TNS1: variants seen among roughly 807,000 people sequenced by gnomAD.
The protein encoded by TNS1 is tensin-1.
Under a neutral mutation model 168.6 loss-of-function variants are expected in TNS1, and 62 were observed. That is an observed-to-expected ratio of 0.37 (90% CI 0.30 to 0.45). The LOEUF (loss-of-function observed/expected upper bound fraction) is 0.45. Ranked by LOEUF, TNS1 falls within the 20% of genes least tolerant of loss-of-function variation. TNS1 has a pLI of 1.00. For missense variants in TNS1, 2,240 were observed against 2,339.4 expected (o/e 0.96, Z 0.88); for synonymous variants, 934 against 933.2 (o/e 1.00, Z -0.02).
chr2:217,946,963 T>TCACACACA (rs1340630921), intron 3 of TNS1, among the ~76,000 whole-genome samples: 13 of 132,450 alleles, frequency 9.8e-5, no homozygotes, highest in African/African-American at 4.8e-4. Flanking sequence ...TCTCTCTCTC[T>TCACACACA]CTCTCTCACA....
chr2:217,841,541 G>T (rs1372595309), intron 19 of TNS1, among the ~76,000 whole-genome samples: 1 of 152,164 alleles, frequency 6.6e-6, no homozygotes, highest in Non-Finnish European at 1.5e-5. Flanking sequence ...GACAGGAAGA[G>T]AGGGGGATCC....
chr2:217,831,698 C>G (rs1385233125), intron 21 of TNS1, 151 bp from the exon 22 acceptor site: 1 of 514,208 alleles, frequency 1.9e-6, no homozygotes, highest in African/African-American at 2.0e-5. Context: ...GGCTCCACTG[C>G]CCTTTCCCGC....
chr2:218,032,374 G>A lies in TNS1; in HGVS notation c.156+1446C>T, dbSNP rs1318145076. Among the ~76,000 whole-genome samples, 1 of 152,192 alleles carries A rather than the reference G, an allele frequency of 6.6e-6. No individual in the cohort carries two copies. The highest frequency in any genetic ancestry group is 1.5e-5 in the Non-Finnish European group (1 of 68,024). On this transcript the variant is annotated intron_variant, in intron 1 of 1. Coordinates refer to the TNS1 transcript ENST00000649572. The surrounding 1 kb of genome is among the most constrained non-coding windows in gnomAD (Gnocchi z 4.0). ...TGGAGGAGGAGGCAGCATGACAGGG[G>A]AAGGGGGCGATGTGGCCTGGGTAGG...
Position 217,880,889 on chromosome 2 carries a change from C to T in TNS1, c.1429+9G>A, listed in dbSNP as rs755307130. 31 of 1,607,746 alleles carry T rather than the reference C, an allele frequency of 1.9e-5. No homozygotes were observed. Among genetic ancestry groups the T allele is most frequent in the Middle Eastern group, 1.7e-4 (1 of 6,056 alleles). Reference sequence around the variant, plus strand: ...GGATAGGGGCTGGGAGCCACTAGGTCCCACCTACCCTCCATGCCGTCATCT... The same window carrying T: ...GGATAGGGGCTGGGAGCCACTAGGTTCCACCTACCCTCCATGCCGTCATCT... On this transcript the variant is annotated intron_variant, in intron 18 of 32. Transcript: ENST00000682258. The surrounding 1 kb of genome is among the most constrained non-coding windows in gnomAD (Gnocchi z 4.2).
chr2:217,953,757 T>G (rs1198153822), intron 3 of TNS1, among the ~76,000 whole-genome samples: 1 of 152,144 alleles, frequency 6.6e-6, no homozygotes, highest in Admixed American at 6.5e-5. Context: ...TGGGATGTGC[T>G]GGCAGGCAGA....
intron 18 of TNS1, among the ~76,000 whole-genome samples, chr2:217,865,538 A>C (rs1204189923): frequency 6.6e-6 from 1 of 152,244 alleles, no homozygotes; most frequent in Non-Finnish European, 1.5e-5. Flanking sequence ...AGAAGAACAC[A>C]CATCAAAGAA....
chr2:217,844,710 A>G (rs576372906), intron 19 of TNS1, among the ~76,000 whole-genome samples: 1 of 152,296 alleles, frequency 6.6e-6, no homozygotes, highest in South Asian at 2.1e-4. Flanking sequence ...TTATTACAAA[A>G]GACTATTTTA....
intron 3 of TNS1, among the ~76,000 whole-genome samples, chr2:217,945,417 C>G (rs1055370530): frequency 2.8e-4 from 43 of 152,138 alleles, no homozygotes; most frequent in African/African-American, 8.2e-4. Context: ...TGCCTCGCCC[C>G]CAGTCAGAGA....
intron 3 of TNS1, among the ~76,000 whole-genome samples, chr2:217,963,659 A>G (rs1957552590): frequency 6.6e-6 from 1 of 151,836 alleles, no homozygotes; most frequent in Non-Finnish European, 1.5e-5. Context: ...AAGTTGATGG[A>G]TATCCCAATT....
At chr2:217,892,536 G>A (rs962880081) in intron 11 of TNS1, among the ~76,000 whole-genome samples, 1 of 152,236 alleles carries the variant, frequency 6.6e-6, no homozygotes, top group Non-Finnish European at 1.5e-5. Flanking sequence ...AGAGGGCCCT[G>A]TTGTCCAGAG....
upstream of TNS1, among the ~76,000 whole-genome samples, chr2:218,004,425 G>A (rs1439016701): frequency 6.6e-6 from 1 of 151,598 alleles, no homozygotes; most frequent in Non-Finnish European, 1.5e-5. Flanking sequence ...ACCACATACC[G>A]TGCAACTACC....
chr2:218,013,306 T>G (rs1364900672), upstream of TNS1, among the ~76,000 whole-genome samples: 3 of 151,164 alleles, frequency 2.0e-5, no homozygotes, highest in Admixed American at 2.0e-4. Context: ...AGGTGCTCAG[T>G]CCGTCTTCCC....
At chr2:217,978,318 C>T (rs1391936429) in intron 3 of TNS1, among the ~76,000 whole-genome samples, 2 of 152,232 alleles carry the variant, frequency 1.3e-5, no homozygotes, top group Admixed American at 1.3e-4. Flanking sequence ...CCCGCTTCTC[C>T]TGCCCTCGGG....
At chr2:218,002,012 C>A (rs779536837) in intron 1 of TNS1, among the ~76,000 whole-genome samples, 1 of 152,188 alleles carries the variant, frequency 6.6e-6, no homozygotes, top group Non-Finnish European at 1.5e-5. Flanking sequence ...GACAGCCCCA[C>A]AGGAGCCCCT....
At chr2:218,022,387 G>A (rs373162253) in intron 1 of TNS1, among the ~76,000 whole-genome samples, 1 of 152,154 alleles carries the variant, frequency 6.6e-6, no homozygotes, top group African/African-American at 2.4e-5. Flanking sequence ...TGGTCTGGGA[G>A]GCCCAAGACC....
At chr2:217,824,459 A>T (rs1943324961) in intron 22 of TNS1, among the ~76,000 whole-genome samples, 1 of 152,208 alleles carries the variant, frequency 6.6e-6, no homozygotes, top group Admixed American at 6.5e-5. Flanking sequence ...AAAAAGAGCA[A>T]ACAATTATAC....
At chr2:217,972,346 T>C (rs1957790641) in intron 3 of TNS1, among the ~76,000 whole-genome samples, 1 of 152,156 alleles carries the variant, frequency 6.6e-6, no homozygotes, top group East Asian at 1.9e-4. Flanking sequence ...ATGAACCTCC[T>C]CCCACTCAGG....
chr2:218,021,733 G>T (rs1340629844), intron 1 of TNS1, among the ~76,000 whole-genome samples: 1 of 152,218 alleles, frequency 6.6e-6, no homozygotes, highest in Non-Finnish European at 1.5e-5. Flanking sequence ...GAAGGCCTCA[G>T]GGCCCCAGCA....
intron 9 of TNS1, among the ~76,000 whole-genome samples, chr2:217,893,831 C>T (rs1952000502): frequency 6.6e-6 from 1 of 152,220 alleles, no homozygotes; most frequent in Non-Finnish European, 1.5e-5. Context: ...AGGTCCTCTT[C>T]CAGCCTCAAT....
Sources: gnomAD v4.1 joint callset for allele counts (sites outside exome capture counted in the v4.1 genomes callset) on GRCh38, gnomAD v4.1.1 for gene constraint, Gnocchi (gnomAD v3.1) non-coding constraint, MANE v1.5 for transcripts, NCBI Gene and HGNC (gene_info 2026-07-23, HGNC 2026-07-21) for gene names.